Variants in NUTM1 observed in about 807,000 individuals in gnomAD.
The protein encoded by NUTM1 is NUT midline carcinoma family member 1, also known as NUT family member 1.
Under a neutral mutation model 88.7 loss-of-function variants are expected in NUTM1, and 39 were observed. The ratio of observed to expected loss-of-function variants is 0.44; its 90% confidence interval spans 0.34 to 0.57. The LOEUF is 0.57. Ranked by LOEUF, NUTM1 falls within the 20% of genes least tolerant of loss-of-function variation. The pLI is 0.01. For synonymous variants in NUTM1, 494 were observed against 538.0 expected (o/e 0.92, Z 1.13); for missense variants, 1,350 against 1,414.5 (o/e 0.95, Z 0.73).
intron 5 of NUTM1, 138 bp downstream of exon 5, chr15:34,354,010 C>T (rs1890753979): frequency 2.1e-6 from 2 of 942,252 alleles, no homozygotes; most frequent in Non-Finnish European, 3.1e-6. Context: ...ATATTCCAAA[C>T]AGACCACCCC....
At chr15:34,350,895 C>T in intron 4 of NUTM1, 63 bp downstream of exon 4, 1 of 1,599,642 alleles carries the variant, frequency 6.3e-7, no homozygotes, top group Non-Finnish European at 8.6e-7. Flanking sequence ...GTAAGGGCCG[C>T]AGAGAGACTT....
chr15:34,356,099 G>A lies in NUTM1; in HGVS notation c.2091G>A (p.Val697=). ...QKGQQTGGRG[V]LPQGKEPLAV... ...GACAACAAACAGGGGGTCGTGGAGT[G>A]CTTCCTCAAGGGAAGGAGCCTTTAG... The change falls in exon 8 of 8, where the codon GTG becomes GTA. Residue 697 remains valine (V), a synonymous_variant. Coordinates refer to ENST00000537011, the MANE Select transcript of NUTM1 (RefSeq NM_001284292.2). 6.2e-7 allele frequency: 1 copy of A among 1,613,584 alleles called. No homozygotes were observed. The highest frequency in any genetic ancestry group is 8.5e-7 in the Non-Finnish European group (1 of 1,179,570).
rs374471469 is a variant in NUTM1 at position 34,344,283 on chromosome 15, C to T, written c.6+581C>T. Among the ~76,000 whole-genome samples, 39 of 150,528 alleles carry T rather than the reference C, an allele frequency of 2.6e-4. No homozygotes were observed. In the East Asian group the frequency reaches 3.7e-3, roughly 14 times the overall value. On this transcript the variant is annotated intron_variant, in intron 1 of 7. Coordinates refer to ENST00000537011, the MANE Select transcript of NUTM1 (RefSeq NM_001284292.2). ...ATCCCAGCACTTTGGGAGGCTGAGA[C>T]GGGTGGATCACAAGGTCAGGAGTTC... is the stretch of plus-strand genomic sequence containing the variant.
In NUTM1 at chr15:34,354,579, G is replaced by A; in HGVS notation, c.1209G>A (p.Met403Ile). The A allele has an allele frequency of 6.2e-7, 1 of 1,614,172 alleles. No homozygotes were observed. The highest frequency in any genetic ancestry group is 1.1e-5 in the South Asian group (1 of 91,068). The stretch of plus-strand genomic sequence containing the variant: ...CTGTGAAGGAGTATGTTGACATCAT[G>A]GAATGGCTGGTGGGGACTCACTTGG... ...PEAVKEYVDI[M>I]EWLVGTHLAT... Residue 403 changes from methionine (M) to isoleucine (I), a missense_variant, in exon 6 of 8, where the codon ATG becomes ATA. Transcript: ENST00000537011.
chr15:34,354,739 T>C lies in NUTM1; in HGVS notation c.1362+7T>C. The C allele has an allele frequency of 6.2e-7, 1 of 1,613,890 alleles. No homozygotes were observed. Among genetic ancestry groups the C allele is most frequent in the South Asian group, 1.1e-5 (1 of 90,986 alleles). On this transcript the variant is annotated splice_region_variant and intron_variant, in intron 6 of 7. Transcript: ENST00000537011. ...GAAGGTCTTTGTCTCCAAGGTGAGCTGGGCCTGCACATCTTGTTTCTAGCA... is the reference window on the plus strand; with the variant it reads ...GAAGGTCTTTGTCTCCAAGGTGAGCCGGGCCTGCACATCTTGTTTCTAGCA...
Position 34,348,296 on chromosome 15 carries a change from A to G in NUTM1, c.428A>G (p.Asn143Ser), listed in dbSNP as rs777299530. Residue 143 changes from asparagine (N) to serine (S), a missense_variant, in exon 3 of 8, where the codon AAT becomes AGT. Transcript: ENST00000537011. Reference sequence around the variant, plus strand: ...TTTATCCTTACTCAGACTGCCCTCAATTCGACTGCCCCGGGCACTCCCTGT... The same window carrying G: ...TTTATCCTTACTCAGACTGCCCTCAGTTCGACTGCCCCGGGCACTCCCTGT... ...QNFILTQTALNSTAPGTPCGG... is the reference protein window; with the variant it reads ...QNFILTQTALSSTAPGTPCGG... The G allele has an allele frequency of 8.1e-6, 13 of 1,614,120 alleles. No individual in the cohort carries two copies. The African/African-American group carries it at 1.3e-4, about 17-fold the overall frequency.
At chr15:34,350,897 G>A in intron 4 of NUTM1, 65 bp downstream of exon 4, 1 of 1,598,440 alleles carries the variant, frequency 6.3e-7, no homozygotes, top group Non-Finnish European at 8.6e-7. Context: ...AAGGGCCGCA[G>A]AGAGACTTGT....
chr15:34,351,392 A>G (rs571913238), intron 4 of NUTM1, among the ~76,000 whole-genome samples: 2 of 151,358 alleles, frequency 1.3e-5, no homozygotes, highest in African/African-American at 4.8e-5. Context: ...AAAAAAAAAA[A>G]AAAGAAAAGA....
intron 5 of NUTM1, 120 bp from the exon 6 acceptor site, chr15:34,354,326 G>T: frequency 2.7e-6 from 3 of 1,105,138 alleles, no homozygotes; most frequent in Admixed American, 2.0e-5. Context: ...GGCAGAAGCT[G>T]TGGTTTCTGT....
At chr15:34,347,927 C>G (rs745398613) in intron 2 of NUTM1, 42 bp from the exon 3 acceptor site, 3 of 1,280,654 alleles carry the variant, frequency 2.3e-6, no homozygotes, top group Non-Finnish European at 3.3e-6. Context: ...CTCTGGTCTT[C>G]TTTTCTCCTA....
At chr15:34,354,911 C>A in intron 6 of NUTM1, 110 bp from the exon 7 acceptor site, 2 of 1,024,860 alleles carry the variant, frequency 2.0e-6, no homozygotes. Context: ...TTTACAATAC[C>A]GGAGGGGTAA....
rs755393613 is a variant in NUTM1 at position 34,357,427 on chromosome 15, C to T, written c.3419C>T (p.Pro1140Leu). 6.2e-7 allele frequency: 1 copy of T among 1,613,550 alleles called. No individual in the cohort carries two copies. The highest frequency in any genetic ancestry group is 1.3e-5 in the African/African-American group (1 of 74,886). The change falls in exon 8 of 8, where the codon CCT becomes CTT. Residue 1140 changes from proline (P) to leucine (L), a missense_variant. Coordinates refer to ENST00000537011, the MANE Select transcript of NUTM1 (RefSeq NM_001284292.2). ...CTGGGAGTAGTTCGACCCTCACAGC[C>T]TCGTAAAAGGCGGTGTGACAGTTTT... ...LALGVVRPSQ[P>L]RKRRCDSFVT...
Position 34,355,643 on chromosome 15 carries a change from T to A in NUTM1, c.1635T>A (p.Ala545=). The change falls in exon 8 of 8, where the codon GCT becomes GCA. Residue 545 remains alanine, a synonymous_variant. Transcript: ENST00000537011. This position sits in a 1 kb window ranked among gnomAD's most constrained non-coding sequence, Gnocchi z 4.3. ...RLRPSPGLQG[A]GGAACLGKVS... ...GGCCCTCACCTGGGCTTCAGGGGGC[T>A]GGGGGCGCCGCTTGCCTTGGAAAGG... 6.2e-7 allele frequency: 1 copy of A among 1,610,638 alleles called. No individual in the cohort carries two copies. The highest frequency in any genetic ancestry group is 8.5e-7 in the Non-Finnish European group (1 of 1,178,432).
intron 1 of NUTM1, 45 bp from the exon 2 acceptor site, chr15:34,345,897 C>T (rs573398941): frequency 2.5e-6 from 4 of 1,608,540 alleles, no homozygotes; most frequent in Middle Eastern, 3.3e-4. Context: ...GTGATCTGAT[C>T]TTTACCTTCC....
At position 34,355,486 on chromosome 15, in the gene NUTM1, A is replaced by G. The variant is rs1244993534; in HGVS notation, c.1480-2A>G. ...AACTGACTATTTGTTCATTTCTTTC[A>G]GCTGGTCCAGAAGCGACTCATGGCC... On this transcript the variant is annotated splice_acceptor_variant, in intron 7 of 7. Transcript: ENST00000537011. LOFTEE classifies it high-confidence loss of function. The surrounding 1 kb of genome is among the most constrained non-coding windows in gnomAD (Gnocchi z 4.3). The G allele has an allele frequency of 6.2e-7, 1 of 1,614,042 alleles. No homozygotes were observed. Among genetic ancestry groups the G allele is most frequent in the Admixed American group, 1.7e-5 (1 of 60,004 alleles).
chr15:34,350,946 CA>C, intron 4 of NUTM1, 114 bp downstream of exon 4: 1 of 1,336,630 alleles, frequency 7.5e-7, no homozygotes. Flanking sequence ...GGATGGGGCG[CA>C]GCGGCTCACG....
Position 34,356,083 on chromosome 15 carries a change from CAG to C in NUTM1, c.2076_2077del (p.Gly694SerfsTer26), listed in dbSNP as rs772631800. ...CTGGGATTGCAGAAAGGACAACAAA[CAG>C]GGGGTCGTGGAGTGCTTCCTCAAGG... On this transcript the variant is annotated frameshift_variant, in exon 8 of 8. Coordinates refer to ENST00000537011, the MANE Select transcript of NUTM1 (RefSeq NM_001284292.2). LOFTEE classifies it high-confidence loss of function. 9.4e-5 allele frequency: 152 copies of C among 1,613,754 alleles called. No homozygotes were observed. Among genetic ancestry groups the C allele is most frequent in the Middle Eastern group, 1.6e-4 (1 of 6,080 alleles).
intron 3 of NUTM1, among the ~76,000 whole-genome samples, chr15:34,350,368 C>A (rs1007692263): frequency 2.6e-5 from 4 of 152,240 alleles, no homozygotes; most frequent in Non-Finnish European, 4.4e-5. Flanking sequence ...AAATCCCATT[C>A]ATTTAATAAC....
Position 34,356,879 on chromosome 15 carries a change from C to A in NUTM1, c.2871C>A (p.Asp957Glu). 3 of 1,612,940 alleles carry A rather than the reference C, an allele frequency of 1.9e-6. No individual in the cohort carries two copies. Among genetic ancestry groups the A allele is most frequent in the Non-Finnish European group, 2.5e-6 (3 of 1,179,804 alleles). Residue 957 changes from aspartate (D) to glutamate (E), a missense_variant, in exon 8 of 8, where the codon GAC (aspartate) becomes GAA (glutamate). Asp to Glu is a conservative substitution (Grantham distance 45). This residue lies in a region of NUTM1 where 730 missense variants were observed against 728.8 expected (regional missense o/e 1.00). Transcript: ENST00000537011. ...GCCCACTGAATGTTCATTCTTATGA[C>A]CCCCAAGGAGAAGGCAGGGTGGATC... Reference protein sequence around the residue: ...DTCPLNVHSYDPQGEGRVDPD... With the variant: ...DTCPLNVHSYEPQGEGRVDPD...
Sources: gnomAD v4.1 joint callset for allele counts (sites outside exome capture counted in the v4.1 genomes callset) on GRCh38, gnomAD v4.1.1 for gene constraint, gnomAD v4.1.1 regional missense constraint, Gnocchi (gnomAD v3.1) non-coding constraint, MANE v1.5 for transcripts, NCBI Gene and HGNC (gene_info 2026-07-23, HGNC 2026-07-21) for gene names.